Variants in CLIP4 observed in about 807,000 individuals in gnomAD.
CLIP4 encodes the protein CAP-Gly domain containing linker protein family member 4, also known as CAP-Gly domain-containing linker protein 4.
In CLIP4, 47 loss-of-function variants were observed where a neutral mutation model predicts 73.1. The observed-to-expected ratio is 0.64, with a 90% CI of 0.51 to 0.82. CLIP4 has a LOEUF of 0.82. Among genes scored for constraint, CLIP4 ranks in the 40% least tolerant of loss-of-function variants. The pLI is 0.00. For synonymous variants in CLIP4, 306 were observed against 295.4 expected (o/e 1.04, Z -0.37); for missense variants, 874 against 852.9 (o/e 1.02, Z -0.31).
At chr2:29,147,100 A>T (rs541895451) in intron 8 of CLIP4, among the ~76,000 whole-genome samples, 226 of 152,330 alleles carry the variant, frequency 1.5e-3, no homozygotes, top group African/African-American at 5.1e-3. Context: ...CCAAATCTTT[A>T]CATATTGTTT....
chr2:29,149,763 G>A lies in CLIP4; in HGVS notation c.1022-2922G>A, dbSNP rs559586708. 1.4e-4 allele frequency among the ~76,000 whole-genome samples: 21 copies of A among 150,538 alleles called. No individual in the cohort carries two copies. The South Asian group carries it at 4.4e-3, about 31-fold the overall frequency. Reference sequence around the variant, plus strand: ...AAAAAAGAAGAATGCAAACTATATAGATGAAGTTTTATATACTACGGAAAT... The same window carrying A: ...AAAAAAGAAGAATGCAAACTATATAAATGAAGTTTTATATACTACGGAAAT... On this transcript the variant is annotated intron_variant, in intron 8 of 15. Transcript: ENST00000320081.
At chr2:29,169,336 T>C (rs3112922) in intron 14 of CLIP4, among the ~76,000 whole-genome samples, 3 of 13,086 alleles carry the variant, frequency 2.3e-4, no homozygotes, top group African/African-American at 6.2e-4. Context: ...TCACTGTGTG[T>C]GTGTGTGTGT....
chr2:29,131,348 G>C lies in CLIP4; in HGVS notation c.224G>C (p.Arg75Thr), dbSNP rs963397152. 4.3e-6 allele frequency: 7 copies of C among 1,610,064 alleles called. No homozygotes were observed. In the Admixed American group the frequency reaches 6.7e-5, roughly 15 times the overall value. ...GTTTCAGAATTATTTGCCATTTTGAGACAGTGGGTTCCTCAGGTCCAACAA... is the reference window on the plus strand; with the variant it reads ...GTTTCAGAATTATTTGCCATTTTGACACAGTGGGTTCCTCAGGTCCAACAA... ...TSVSELFAIL[R>T]QWVPQVQQNI... Residue 75 changes from arginine (R) to threonine (T), a missense_variant, in exon 3 of 16, where the codon AGA becomes ACA. Arg to Thr is a moderately conservative substitution (Grantham distance 71). Coordinates refer to ENST00000320081, the MANE Select transcript of CLIP4 (RefSeq NM_024692.6).
rs1668732323 is a variant in CLIP4 at position 29,183,360 on chromosome 2, C to T, written c.*1467C>T. 1 of 152,552 alleles carries T rather than the reference C, an allele frequency of 6.6e-6. No homozygotes were observed. The highest frequency in any genetic ancestry group is 1.5e-5 in the Non-Finnish European group (1 of 68,014). The allele number at this position is 152,552 out of a possible 1,614,324, so 9.4% of individuals were successfully genotyped here. ...GCCTTTTTAAAATAGTGTGGTATTT[C>T]AAATATTGCTAGAGCTATTTTCCTG... On this transcript the variant is annotated 3_prime_UTR_variant, in exon 16 of 16. Transcript: ENST00000320081.
chr2:29,141,748 T>G (rs1665783620), intron 6 of CLIP4, among the ~76,000 whole-genome samples: 1 of 151,784 alleles, frequency 6.6e-6, no homozygotes, highest in Admixed American at 6.6e-5. Flanking sequence ...AGGACAAGTC[T>G]TCTTTTTTTT....
Position 29,168,810 on chromosome 2 carries a change from C to T in CLIP4, c.1723+1270C>T, listed in dbSNP as rs186949208. ...GTGCTGGGATTACAGGTGTGAGCCA[C>T]CACGCCCAGCCTGCACTTTTTGTTT... On this transcript the variant is annotated intron_variant, in intron 14 of 15. Coordinates refer to ENST00000320081, the MANE Select transcript of CLIP4 (RefSeq NM_024692.6). Among the ~76,000 whole-genome samples the T allele has an allele frequency of 2.8e-3, 427 of 152,156 alleles. 1 individual carries two copies. Among genetic ancestry groups the T allele is most frequent in the Admixed American group, 7.1e-3 (109 of 15,288 alleles).
At chr2:29,145,180 C>G (rs1443231279) in intron 7 of CLIP4, 52 bp from the exon 8 acceptor site, 3 of 1,536,020 alleles carry the variant, frequency 2.0e-6, no homozygotes, top group South Asian at 2.3e-5. Flanking sequence ...GAGTAGGACC[C>G]TTGGAATTAC....
At chr2:29,140,814 A>G (rs1665713206) in intron 6 of CLIP4, among the ~76,000 whole-genome samples, 1 of 152,200 alleles carries the variant, frequency 6.6e-6, no homozygotes, top group Middle Eastern at 3.4e-3. Context: ...TTTGATTTGC[A>G]TTTCTCTGAT....
chr2:29,126,838 C>T (rs1664640731), intron 2 of CLIP4, among the ~76,000 whole-genome samples: 1 of 152,028 alleles, frequency 6.6e-6, no homozygotes, highest in Admixed American at 6.5e-5. Context: ...GGGAAAAGGA[C>T]AGTTTTAAGA....
chr2:29,154,292 C>T (rs930351674), intron 9 of CLIP4, among the ~76,000 whole-genome samples: 2 of 152,114 alleles, frequency 1.3e-5, no homozygotes, highest in African/African-American at 4.8e-5. Flanking sequence ...AAGGGGTCTC[C>T]TATTAGATAG....
chr2:29,140,638 C>T (rs548502369), intron 6 of CLIP4, among the ~76,000 whole-genome samples: 1 of 152,228 alleles, frequency 6.6e-6, no homozygotes, highest in African/African-American at 2.4e-5. Flanking sequence ...AGTTCTAGAT[C>T]CCTGAGGAAT....
chr2:29,180,808 TA>T (rs1318067409), intron 15 of CLIP4, among the ~76,000 whole-genome samples: 2 of 152,030 alleles, frequency 1.3e-5, no homozygotes. Context: ...GTATTTTTTC[TA>T]ATTGCTATTT....
chr2:29,148,064 C>T (rs996230018), intron 8 of CLIP4, among the ~76,000 whole-genome samples: 50 of 152,128 alleles, frequency 3.3e-4, no homozygotes, highest in African/African-American at 9.2e-4. Flanking sequence ...CAAGGGGAGG[C>T]GTGCTTGATT....
At chr2:29,130,766 G>T (rs1275638254) in intron 2 of CLIP4, 1 of 1,278,524 alleles carries the variant, frequency 7.8e-7, no homozygotes. Flanking sequence ...GACTCTAGAA[G>T]TAAGAACTAT....
At chr2:29,133,278 C>T (rs1029298934) in intron 4 of CLIP4, among the ~76,000 whole-genome samples, 2 of 152,162 alleles carry the variant, frequency 1.3e-5, no homozygotes, top group African/African-American at 4.8e-5. Context: ...AAAAGGTACA[C>T]ACAGATTGCA....
chr2:29,119,393 T>A (rs2121492), intron 1 of CLIP4, among the ~76,000 whole-genome samples: 125,575 of 151,716 alleles, frequency 0.83, 52,175 homozygotes, highest in East Asian at 0.99. Context: ...TCACTTAAAA[T>A]TTTTTTTTTT....
intron 7 of CLIP4, 35 bp from the exon 8 acceptor site, chr2:29,145,197 T>G: frequency 6.3e-7 from 1 of 1,592,650 alleles, no homozygotes. Context: ...TTACTAATAA[T>G]TCCCCAAAAT....
chr2:29,121,322 T>C, intron 1 of CLIP4, 52 bp from the exon 2 acceptor site: 1 of 1,505,420 alleles, frequency 6.6e-7, no homozygotes, highest in Non-Finnish European at 8.9e-7. Context: ...GCAGTCATTC[T>C]AAGTTGCATA....
intron 1 of CLIP4, among the ~76,000 whole-genome samples, chr2:29,116,263 G>C (rs1289424881): frequency 6.6e-6 from 1 of 152,216 alleles, no homozygotes; most frequent in Non-Finnish European, 1.5e-5. Context: ...TATGATGGTA[G>C]AGCTTTGAAT....
Sources: allele counts gnomAD v4.1 joint callset (sites outside exome capture counted in the v4.1 genomes callset), GRCh38; gene constraint gnomAD v4.1.1; transcripts MANE v1.5; gene names NCBI Gene and HGNC (gene_info 2026-07-23, HGNC 2026-07-21).